CRB1: variants seen among roughly 807,000 people sequenced by gnomAD.
CRB1 encodes the protein protein crumbs homolog 1.
CRB1 carries 83 observed loss-of-function variants against 120.0 expected under a neutral mutation model. The observed-to-expected ratio is 0.69, with a 90% CI of 0.58 to 0.83. CRB1 has a LOEUF of 0.83. CRB1 is among the 40% of genes least tolerant of loss of function. The pLI, the probability that CRB1 is intolerant of heterozygous loss-of-function variation, is 0.00. For synonymous variants in CRB1, 625 were observed against 612.5 expected (o/e 1.02, Z -0.30); for missense variants, 1,699 against 1,687.6 (o/e 1.01, Z -0.12).
chr1:197,248,722 TG>T, the CRB1 span, among the ~76,000 whole-genome samples: 7 of 151,960 alleles, frequency 4.6e-5, no homozygotes, highest in African/African-American at 1.7e-4. Flanking sequence ...GGCCAGCTTA[TG>T]AGATCCCACA....
At chr1:197,342,455 C>T (rs747250770) in intron 2 of CRB1, among the ~76,000 whole-genome samples, 52 of 152,126 alleles carry the variant, frequency 3.4e-4, no homozygotes, top group Non-Finnish European at 1.0e-4. Context: ...CATTTTCTAC[C>T]TTCTTCTCGT....
chr1:197,241,400 G>A, the CRB1 span, among the ~76,000 whole-genome samples: 1 of 152,142 alleles, frequency 6.6e-6, no homozygotes, highest in African/African-American at 2.4e-5. Context: ...AAGAGGACCA[G>A]TTGCAGTTTT....
chr1:197,219,100 A>G, the CRB1 span, among the ~76,000 whole-genome samples: 1 of 152,194 alleles, frequency 6.6e-6, no homozygotes, highest in African/African-American at 2.4e-5. Flanking sequence ...AAAGGCTCAT[A>G]ATGTGTTTAA....
chr1:197,364,163 T>C (rs1037339756), intron 5 of CRB1: 3 of 562,042 alleles, frequency 5.3e-6, no homozygotes, highest in East Asian at 2.8e-5. Flanking sequence ...TGTCTCCATC[T>C]CTTTTTTTTA....
the CRB1 span, among the ~76,000 whole-genome samples, chr1:197,256,303 A>C: frequency 6.6e-6 from 1 of 151,664 alleles, no homozygotes; most frequent in African/African-American, 2.4e-5. Context: ...TTTTAGATTT[A>C]CTGAGGTAGG....
rs201451870 is a variant in CRB1 at position 197,343,480 on chromosome 1, G to GT, written c.653-792dup. Among the ~76,000 whole-genome samples, 353 of 150,966 alleles carry GT rather than the reference G, an allele frequency of 2.3e-3. 3 individuals are homozygous for GT. Among genetic ancestry groups the GT allele is most frequent in the Middle Eastern group, 0.011 (3 of 278 alleles). On this transcript the variant is annotated intron_variant, in intron 2 of 11. Transcript: ENST00000367400. ...TACTAATTTTGGGGGGATAAGTACA[G>GT]TTTTTTTTTAACATAACATTACCTT... is the stretch of plus-strand genomic sequence containing the variant.
At chr1:197,382,770 C>T (rs1235563204) in intron 5 of CRB1, among the ~76,000 whole-genome samples, 1 of 152,158 alleles carries the variant, frequency 6.6e-6, no homozygotes, top group East Asian at 1.9e-4. Flanking sequence ...GACTCTGTGC[C>T]AGGCACTGTT....
intron 11 of CRB1, among the ~76,000 whole-genome samples, chr1:197,457,622 C>T (rs1558155248): frequency 2.0e-5 from 3 of 152,048 alleles, no homozygotes; most frequent in Admixed American, 1.3e-4. Context: ...ACTAAATGAA[C>T]GAATGAAAGA....
intron 5 of CRB1, among the ~76,000 whole-genome samples, chr1:197,415,320 C>T (rs1185184208): frequency 1.3e-5 from 2 of 152,180 alleles, no homozygotes; most frequent in South Asian, 2.1e-4. Flanking sequence ...CATTCTGTTA[C>T]ATATCCCTGT....
chr1:197,344,400 C>A lies in CRB1; in HGVS notation c.772C>A (p.His258Asn). The A allele has an allele frequency of 6.2e-7, 1 of 1,614,076 alleles. No individual in the cohort carries two copies. Among genetic ancestry groups the A allele is most frequent in the South Asian group, 1.1e-5 (1 of 91,076 alleles). ...CTGTGCCCCTGGATTCCTGGGGGAT[C>A]ACTGTGAACTCAACACTGATGAGTG... ...CDCAPGFLGD[H>N]CELNTDECAS... The change falls in exon 3 of 12, where the codon CAC (histidine) becomes AAC (asparagine). Residue 258 changes from histidine to asparagine, a missense_variant. Physicochemically the swap from His to Asn is moderately conservative, Grantham distance 68 (BLOSUM62 1). Coordinates refer to ENST00000367400, the MANE Select transcript of CRB1 (RefSeq NM_201253.3).
the CRB1 span, among the ~76,000 whole-genome samples, chr1:197,246,650 T>C: frequency 6.6e-6 from 1 of 152,058 alleles, no homozygotes; most frequent in South Asian, 2.1e-4. Flanking sequence ...TTATTTTAGA[T>C]AATTAAGTGA....
At chr1:197,295,989 A>G (rs1656496210) in intron 1 of CRB1, among the ~76,000 whole-genome samples, 1 of 117,154 alleles carries the variant, frequency 8.5e-6, no homozygotes. Context: ...AAAATTTAAG[A>G]CAAAGTAAGG....
Position 197,328,717 on chromosome 1 carries a change from A to G in CRB1, c.366A>G (p.Gly122=). The G allele has an allele frequency of 2.5e-6, 4 of 1,612,510 alleles. No individual in the cohort carries two copies. Among genetic ancestry groups the G allele is most frequent in the Non-Finnish European group, 3.4e-6 (4 of 1,178,798 alleles). ...GTGGCAAGAACTCCTGCCAACATGG[A>G]GGTATTTGCCATCAGGACCCTATTT... is the stretch of plus-strand genomic sequence containing the variant. ...GSCGKNSCQH[G]GICHQDPIYP... Residue 122 remains glycine (G), a synonymous_variant, in exon 2 of 12, where the codon GGA becomes GGG. Transcript: ENST00000367400.
At chr1:197,417,503 T>G (rs1044726362) in intron 5 of CRB1, among the ~76,000 whole-genome samples, 3 of 151,992 alleles carry the variant, frequency 2.0e-5, no homozygotes, top group Non-Finnish European at 4.4e-5. Flanking sequence ...AAAGAGTTGA[T>G]AAAGAAGGAA....
chr1:197,242,593 G>T, the CRB1 span, among the ~76,000 whole-genome samples: 3 of 152,056 alleles, frequency 2.0e-5, no homozygotes, highest in African/African-American at 7.2e-5. Context: ...ATTTTATTGA[G>T]GATTTTTGCA....
intron 4 of CRB1, 112 bp downstream of exon 4, chr1:197,347,591 C>T (rs1347860450): frequency 7.1e-6 from 8 of 1,131,210 alleles, no homozygotes; most frequent in Non-Finnish European, 1.0e-5. Flanking sequence ...AAATCAATTT[C>T]TTCTAGCTAA....
Position 197,308,491 on chromosome 1 carries a change from T to C in CRB1, c.71-19931T>C, listed in dbSNP as rs1037974469. On this transcript the variant is annotated intron_variant, in intron 1 of 11. Transcript: ENST00000367400. Reference sequence around the variant, plus strand: ...AATAGGAGTAATGATAGGTTGTACATTGTAAGATTATTATGAAGATTAAAT... The same window carrying C: ...AATAGGAGTAATGATAGGTTGTACACTGTAAGATTATTATGAAGATTAAAT... Among the ~76,000 whole-genome samples the C allele has an allele frequency of 2.0e-5, 3 of 152,324 alleles. No homozygotes were observed. In the South Asian group the frequency reaches 6.2e-4, roughly 32 times the overall value.
chr1:197,468,988 C>T (rs745781513), intron 11 of CRB1, among the ~76,000 whole-genome samples: 19 of 152,190 alleles, frequency 1.2e-4, no homozygotes, highest in African/African-American at 2.2e-4. Context: ...TGGAACCCCC[C>T]GGCCCCGGCA....
chr1:197,400,538 A>G (rs981717468), intron 5 of CRB1, among the ~76,000 whole-genome samples: 1 of 151,804 alleles, frequency 6.6e-6, no homozygotes, highest in Admixed American at 6.6e-5. Context: ...AACAGAAACT[A>G]TACACTCCTA....
Sources: allele counts gnomAD v4.1 joint callset (sites outside exome capture counted in the v4.1 genomes callset), GRCh38; gene constraint gnomAD v4.1.1; transcripts MANE v1.5; gene names NCBI Gene and HGNC (gene_info 2026-07-23, HGNC 2026-07-21).